FBXL7: variants seen among roughly 807,000 people sequenced by gnomAD.
The protein encoded by FBXL7 is F-box/LRR-repeat protein 7.
Under a neutral mutation model 38.3 loss-of-function variants are expected in FBXL7, and 12 were observed. That is an observed-to-expected ratio of 0.31 (90% CI 0.20 to 0.51). The LOEUF is 0.51. Ranked by LOEUF, FBXL7 falls within the 20% of genes least tolerant of loss-of-function variation. The probability of loss-of-function intolerance (pLI) is 0.98; values close to 1 mark genes in which losing one functional copy is unlikely to be tolerated. For synonymous variants in FBXL7, 297 were observed against 300.9 expected (o/e 0.99, Z 0.13); for missense variants, 567 against 676.4 (o/e 0.84, Z 1.79).
At position 15,867,880 on chromosome 5, in the gene FBXL7, C is replaced by T. The variant is rs192916501; in HGVS notation, c.128-60010C>T. Reference sequence around the variant, plus strand: ...CAGCACTGTGGGAGGGTGAGGCAGGCGGATCACAAGGTCAAGAGATCAAGA... The same window carrying T: ...CAGCACTGTGGGAGGGTGAGGCAGGTGGATCACAAGGTCAAGAGATCAAGA... On this transcript the variant is annotated intron_variant, in intron 2 of 3. Coordinates refer to ENST00000504595, the MANE Select transcript of FBXL7 (RefSeq NM_012304.5). 3.5e-3 allele frequency among the ~76,000 whole-genome samples: 537 copies of T among 152,040 alleles called. 4 individuals carry two copies. Among genetic ancestry groups the T allele is most frequent in the African/African-American group, 0.012 (516 of 41,484 alleles).
chr5:15,688,781 A>G (rs1743094342), intron 2 of FBXL7, among the ~76,000 whole-genome samples: 1 of 152,174 alleles, frequency 6.6e-6, no homozygotes, highest in South Asian at 2.1e-4. Flanking sequence ...TCCTCTTGTA[A>G]TAACATTCAA....
At chr5:15,623,188 G>A (rs755950626) in intron 2 of FBXL7, among the ~76,000 whole-genome samples, 9 of 152,198 alleles carry the variant, frequency 5.9e-5, no homozygotes, top group Non-Finnish European at 1.2e-4. Context: ...GTTTGGGAGA[G>A]GTTGTTAAGC....
chr5:15,590,245 CTT>C (rs1739429696), intron 1 of FBXL7, among the ~76,000 whole-genome samples: 1 of 152,140 alleles, frequency 6.6e-6, no homozygotes, highest in Admixed American at 6.5e-5. Flanking sequence ...TCACAAATTC[CTT>C]GTGTTTCTAC....
At chr5:15,878,801 A>G (rs1298516741) in intron 2 of FBXL7, among the ~76,000 whole-genome samples, 3 of 152,176 alleles carry the variant, frequency 2.0e-5, no homozygotes, top group Non-Finnish European at 4.4e-5. Flanking sequence ...TAGGGTCTTC[A>G]TATATTCTTT....
chr5:15,735,281 CAG>C (rs1462923304), intron 2 of FBXL7, among the ~76,000 whole-genome samples: 47 of 152,138 alleles, frequency 3.1e-4, no homozygotes, highest in Admixed American at 3.1e-3. Flanking sequence ...CTTCTGAAAA[CAG>C]AGTTCATGAT....
intron 2 of FBXL7, among the ~76,000 whole-genome samples, chr5:15,693,262 A>G (rs998416210): frequency 7.2e-5 from 11 of 152,096 alleles, no homozygotes; most frequent in Non-Finnish European, 1.3e-4. Context: ...GGAATGGGCG[A>G]TGGTGGATGC....
Position 15,676,922 on chromosome 5 carries a change from A to G in FBXL7, c.127+60850A>G, listed in dbSNP as rs185740340. ...GGAAATCTCCAGTCAAACACTCCAT[A>G]CCTGCCATTTTATATTCTTTGATTG... On this transcript the variant is annotated intron_variant, in intron 2 of 3. Coordinates refer to ENST00000504595, the MANE Select transcript of FBXL7 (RefSeq NM_012304.5). 2.9e-3 allele frequency among the ~76,000 whole-genome samples: 440 copies of G among 152,280 alleles called. 3 individuals are homozygous for G. Among genetic ancestry groups the G allele is most frequent in the African/African-American group, 0.01 (421 of 41,560 alleles).
intron 3 of FBXL7, chr5:15,935,114 C>T (rs184636237): frequency 1.9e-6 from 1 of 530,490 alleles, no homozygotes; most frequent in East Asian, 5.5e-5. Flanking sequence ...TTGTGGTGTG[C>T]GGGAAATGAC....
intron 2 of FBXL7, among the ~76,000 whole-genome samples, chr5:15,813,577 G>A (rs1206307143): frequency 6.6e-6 from 1 of 152,118 alleles, no homozygotes; most frequent in Non-Finnish European, 1.5e-5. Flanking sequence ...TTGACAAATG[G>A]GATCTAATTA....
chr5:15,537,815 A>G (rs545796285), intron 1 of FBXL7, among the ~76,000 whole-genome samples: 1 of 152,342 alleles, frequency 6.6e-6, no homozygotes, highest in South Asian at 2.1e-4. Context: ...CTGGTTTTAG[A>G]TGGTGTCAAA....
At chr5:15,565,924 C>G (rs1329132978) in intron 1 of FBXL7, among the ~76,000 whole-genome samples, 1 of 152,086 alleles carries the variant, frequency 6.6e-6, no homozygotes, top group East Asian at 1.9e-4. Context: ...TGAATCTTAT[C>G]CAAAAACATC....
intron 2 of FBXL7, among the ~76,000 whole-genome samples, chr5:15,840,738 T>C (rs1243988602): frequency 6.6e-6 from 1 of 151,400 alleles, no homozygotes; most frequent in East Asian, 1.9e-4. Context: ...TCTCAGCTAC[T>C]TGGGAGGCTG....
chr5:15,504,178 G>A (rs532005508), intron 1 of FBXL7, among the ~76,000 whole-genome samples: 5 of 152,288 alleles, frequency 3.3e-5, no homozygotes, highest in South Asian at 2.1e-4. Flanking sequence ...CATCAACTCC[G>A]GGGTGTTTGT....
intron 2 of FBXL7, among the ~76,000 whole-genome samples, chr5:15,652,042 C>A (rs1293419980): frequency 6.6e-6 from 1 of 152,170 alleles, no homozygotes; most frequent in African/African-American, 2.4e-5. Flanking sequence ...TCCAACCTCC[C>A]TTAGCTTCCA....
At chr5:15,863,400 G>C (rs548350339) in intron 2 of FBXL7, among the ~76,000 whole-genome samples, 1 of 152,286 alleles carries the variant, frequency 6.6e-6, no homozygotes, top group Non-Finnish European at 1.5e-5. Flanking sequence ...AGAATATAGA[G>C]TTATATTCAC....
intron 2 of FBXL7, among the ~76,000 whole-genome samples, chr5:15,708,930 G>A (rs908928757): frequency 6.6e-6 from 1 of 152,182 alleles, no homozygotes; most frequent in Non-Finnish European, 1.5e-5. Context: ...AAGGGATAAA[G>A]GTTAGGAGTT....
intron 1 of FBXL7, among the ~76,000 whole-genome samples, chr5:15,526,651 A>G (rs1345302843): frequency 6.6e-6 from 1 of 152,212 alleles, no homozygotes; most frequent in East Asian, 1.9e-4. Flanking sequence ...GCTGAAAAAT[A>G]AAAGTCCACA....
At position 15,618,417 on chromosome 5, in the gene FBXL7, G is replaced by GT. The variant is rs112705586; in HGVS notation, c.127+2352dup. Among the ~76,000 whole-genome samples, 58 of 152,204 alleles carry GT rather than the reference G, an allele frequency of 3.8e-4. 1 individual carries two copies. Among genetic ancestry groups the GT allele is most frequent in the African/African-American group, 1.3e-3 (55 of 41,534 alleles). ...GTGTGTCTGAATCCTTTTTGCTGTAGTTTTTTTAATCAATTAAAACAAAAT... is the reference window on the plus strand; with the variant it reads ...GTGTGTCTGAATCCTTTTTGCTGTAGTTTTTTTTAATCAATTAAAACAAAAT... On this transcript the variant is annotated intron_variant, in intron 2 of 3. Transcript: ENST00000504595.
At chr5:15,771,522 A>G (rs1185796751) in intron 2 of FBXL7, among the ~76,000 whole-genome samples, 1 of 152,202 alleles carries the variant, frequency 6.6e-6, no homozygotes, top group Non-Finnish European at 1.5e-5. Context: ...TGGAGTTTAT[A>G]TTGAAGCTTG....
Sources: allele counts gnomAD v4.1 joint callset (sites outside exome capture counted in the v4.1 genomes callset), GRCh38; gene constraint gnomAD v4.1.1; transcripts MANE v1.5; gene names NCBI Gene and HGNC (gene_info 2026-07-23, HGNC 2026-07-21).